Variants in NLGN4Y observed in about 807,000 individuals in gnomAD.
NLGN4Y encodes neuroligin 4 Y-linked.
NLGN4Y carries 4 observed loss-of-function variants against 8.4 expected under a neutral mutation model. The observed-to-expected ratio is 0.48, with a 90% CI of 0.23 to 1.09. The LOEUF (loss-of-function observed/expected upper bound fraction) is 1.09. NLGN4Y is among the 50% of genes least tolerant of loss of function. The pLI is 0.19. For synonymous variants in NLGN4Y, 35 were observed against 75.6 expected, an observed-to-expected ratio of 0.46 and a Z score of 2.78; for missense variants, 90 against 192.3, an observed-to-expected ratio of 0.47 and a Z score of 3.15.
intron 5 of NLGN4Y, among the ~76,000 whole-genome samples, chrY:14,829,207 T>A: frequency 3.0e-5 from 1 of 33,578 alleles, no homozygotes; most frequent in African/African-American, 1.2e-4. Context: ...AGGGTAGAAA[T>A]GCATTTCTAA....
chrY:14,574,100 A>G, intron 1 of NLGN4Y, among the ~76,000 whole-genome samples: 1 of 33,480 alleles, frequency 3.0e-5, no homozygotes, highest in African/African-American at 1.2e-4. Flanking sequence ...AGTTCTGTAG[A>G]TATCTATTAG....
chrY:14,572,099 A>G (rs759700447), intron 1 of NLGN4Y, among the ~76,000 whole-genome samples: 226 of 32,777 alleles, frequency 6.9e-3, no homozygotes, highest in Admixed American at 0.017. Flanking sequence ...TTGGTTCCAC[A>G]TGAACTTTAA....
At chrY:14,644,002 T>C in intron 2 of NLGN4Y, among the ~76,000 whole-genome samples, 1 of 33,335 alleles carries the variant, frequency 3.0e-5, no homozygotes. Context: ...TCATCTTCAA[T>C]TCTTGTGCAG....
intron 4 of NLGN4Y, among the ~76,000 whole-genome samples, chrY:14,808,992 A>G: frequency 5.9e-5 from 2 of 33,980 alleles, no homozygotes; most frequent in Non-Finnish European, 7.3e-5. Context: ...TGACCCTTGG[A>G]TTCCCAGTAA....
chrY:14,787,540 T>C, intron 4 of NLGN4Y, among the ~76,000 whole-genome samples: 1 of 33,128 alleles, frequency 3.0e-5, no homozygotes, highest in Non-Finnish European at 7.4e-5. Flanking sequence ...ATTTGTGAGT[T>C]ATGTATGAAG....
chrY:14,714,076 G>A (rs762420006), intron 2 of NLGN4Y, among the ~76,000 whole-genome samples: 22 of 33,253 alleles, frequency 6.6e-4, no homozygotes, highest in African/African-American at 2.6e-3. Context: ...ACATAGAGAA[G>A]AGAAAGGAAA....
chrY:14,645,534 GAA>G (rs1289829854), intron 2 of NLGN4Y, among the ~76,000 whole-genome samples: 1 of 29,955 alleles, frequency 3.3e-5, no homozygotes, highest in Non-Finnish European at 8.0e-5. Flanking sequence ...AACAATTAGG[GAA>G]AAAAAAAGAT....
Position 14,622,570 on chromosome Y carries a change from A to G in NLGN4Y, c.451A>G (p.Ile151Val). ...AAATGAAGACTGCCTTTACTTAAACATCTATGTGCCCATGGAAGATGGTGA... is the reference window on the plus strand; with the variant it reads ...AAATGAAGACTGCCTTTACTTAAACGTCTATGTGCCCATGGAAGATGGTGA... The part of the protein sequence containing the change: ...DQNEDCLYLN[I>V]YVPMEDGTNI... Residue 151 changes from isoleucine to valine, a missense_variant, in exon 2 of 7, where the codon ATC becomes GTC. By Grantham distance (29) the Ile-to-Val change is conservative. This residue lies in a region of NLGN4Y where 37 missense variants were observed against 38.5 expected (regional missense o/e 0.96). Coordinates refer to ENST00000684976, the MANE Select transcript of NLGN4Y (RefSeq NM_001365588.1). The G allele has an allele frequency of 2.5e-6, 1 of 396,460 alleles. No individual in the cohort carries two copies. The highest frequency in any genetic ancestry group is 3.6e-6 in the Non-Finnish European group (1 of 281,004).
intron 4 of NLGN4Y, among the ~76,000 whole-genome samples, chrY:14,780,595 G>A: frequency 3.7e-4 from 12 of 32,482 alleles, no homozygotes; most frequent in Admixed American, 3.4e-3. Flanking sequence ...TTACAAAAGG[G>A]TCCCCAGAAT....
intron 2 of NLGN4Y, among the ~76,000 whole-genome samples, chrY:14,692,526 A>T: frequency 6.1e-5 from 2 of 32,874 alleles, no homozygotes. Flanking sequence ...TCTCATGATG[A>T]GGTACAGGAA....
At chrY:14,755,113 T>C in intron 4 of NLGN4Y, among the ~76,000 whole-genome samples, 1 of 33,196 alleles carries the variant, frequency 3.0e-5, no homozygotes, top group Non-Finnish European at 7.4e-5. Context: ...TTTCAAACTT[T>C]AGTTTTTTGT....
intron 2 of NLGN4Y, among the ~76,000 whole-genome samples, chrY:14,660,973 T>C (rs2080672542): frequency 3.0e-5 from 1 of 33,348 alleles, no homozygotes; most frequent in East Asian, 8.1e-4. Context: ...AGCAGAGGTT[T>C]AGAGAAATCC....
At chrY:14,837,345 C>T in intron 6 of NLGN4Y, among the ~76,000 whole-genome samples, 1 of 33,260 alleles carries the variant, frequency 3.0e-5, no homozygotes. Context: ...GTACTATATC[C>T]ATCTCTAGCT....
intron 1 of NLGN4Y, among the ~76,000 whole-genome samples, chrY:14,563,654 G>A (rs2080241913): frequency 3.0e-5 from 1 of 33,354 alleles, no homozygotes; most frequent in African/African-American, 1.2e-4. Context: ...GAACTGGGCT[G>A]TGAATATGCC....
At chrY:14,794,430 T>G (rs904109686) in intron 4 of NLGN4Y, among the ~76,000 whole-genome samples, 1 of 33,908 alleles carries the variant, frequency 2.9e-5, no homozygotes, top group African/African-American at 1.2e-4. Flanking sequence ...TGTCATTCTG[T>G]GTTTTTCTTG....
At chrY:14,665,290 G>C in intron 2 of NLGN4Y, among the ~76,000 whole-genome samples, 1 of 33,177 alleles carries the variant, frequency 3.0e-5, no homozygotes, top group African/African-American at 1.2e-4. Context: ...TTCACCAGTG[G>C]TAATTTTGCT....
chrY:14,693,406 A>T, intron 2 of NLGN4Y, among the ~76,000 whole-genome samples: 1 of 32,615 alleles, frequency 3.1e-5, no homozygotes, highest in Non-Finnish European at 7.5e-5. Flanking sequence ...CATGTAAAAA[A>T]TTTAATTTCT....
intron 4 of NLGN4Y, among the ~76,000 whole-genome samples, chrY:14,785,931 A>G (rs1240217399): frequency 3.0e-5 from 1 of 33,528 alleles, no homozygotes; most frequent in African/African-American, 1.2e-4. Context: ...AAAGAAAAAA[A>G]GAAAAAAAAG....
intron 4 of NLGN4Y, among the ~76,000 whole-genome samples, chrY:14,747,593 G>T: frequency 3.0e-5 from 1 of 33,844 alleles, no homozygotes; most frequent in Non-Finnish European, 7.4e-5. Context: ...GCTCACTGGA[G>T]CATCAAACTC....
Sources: gnomAD v4.1 joint callset for allele counts (sites outside exome capture counted in the v4.1 genomes callset) on GRCh38, gnomAD v4.1.1 for gene constraint, gnomAD v4.1.1 regional missense constraint, MANE v1.5 for transcripts, NCBI Gene and HGNC (gene_info 2026-07-23, HGNC 2026-07-21) for gene names.